PLPPR5: variants seen among roughly 807,000 people sequenced by gnomAD.
The protein encoded by PLPPR5 is phospholipid phosphatase-related protein type 5.
PLPPR5 carries 16 observed loss-of-function variants against 33.9 expected under a neutral mutation model. The ratio of observed to expected loss-of-function variants is 0.47; its 90% CI spans 0.32 to 0.72. The LOEUF is 0.72. Among genes scored for constraint, PLPPR5 ranks in the 30% least tolerant of loss-of-function variants. The pLI, the probability that PLPPR5 is intolerant of heterozygous loss-of-function variation, is 0.03. For synonymous variants in PLPPR5, 163 were observed against 150.3 expected (o/e 1.08, Z -0.62); for missense variants, 301 against 406.7 (o/e 0.74, Z 2.23).
intron 2 of PLPPR5, among the ~76,000 whole-genome samples, chr1:98,954,014 TC>T (rs1156383956): frequency 3.9e-5 from 6 of 152,168 alleles, no homozygotes; most frequent in Non-Finnish European, 7.4e-5. Flanking sequence ...AACAAGGCAA[TC>T]AAAATTATAG....
chr1:98,999,119 T>G (rs1652735407), intron 1 of PLPPR5, among the ~76,000 whole-genome samples: 1 of 152,220 alleles, frequency 6.6e-6, no homozygotes, highest in Admixed American at 6.5e-5. Flanking sequence ...ACTAGGTGGT[T>G]TCTATCCACA....
At chr1:98,902,902 C>CT (rs939172716) in intron 5 of PLPPR5, among the ~76,000 whole-genome samples, 3 of 152,012 alleles carry the variant, frequency 2.0e-5, no homozygotes, top group Non-Finnish European at 4.4e-5. Flanking sequence ...ATGAAAGATG[C>CT]TTTTATAAAA....
Position 99,004,746 on chromosome 1 carries a change from G to A in PLPPR5, c.-75C>T, listed in dbSNP as rs1411553286. 7.9e-6 allele frequency: 8 copies of A among 1,016,558 alleles called. No individual in the cohort carries two copies. Among genetic ancestry groups the A allele is most frequent in the Non-Finnish European group, 7.6e-6 (6 of 787,588 alleles). 63.0% of individuals were successfully genotyped at this position (1,016,558 alleles called of 1,614,324 possible). ...GTGGGCCCCCTCCCCGGTCCGCCGA[G>A]GCAGCCACCGGGGGCGCGGCGGCGG... On this transcript the variant is annotated 5_prime_UTR_variant, in exon 1 of 6. Coordinates refer to ENST00000263177, the MANE Select transcript of PLPPR5 (RefSeq NM_001037317.2).
intron 1 of PLPPR5, among the ~76,000 whole-genome samples, chr1:98,974,559 G>T (rs1651779173): frequency 1.3e-5 from 2 of 152,088 alleles, no homozygotes; most frequent in African/African-American, 4.8e-5. Context: ...TCTTAGCTCT[G>T]TCCCACCATC....
intron 4 of PLPPR5, among the ~76,000 whole-genome samples, chr1:98,918,360 A>G (rs2101156943): frequency 6.6e-6 from 1 of 152,360 alleles, no homozygotes; most frequent in East Asian, 1.9e-4. Context: ...AGTAAAGAGC[A>G]CAATAACTAT....
upstream of PLPPR5, among the ~76,000 whole-genome samples, chr1:99,005,381 C>A (rs758801795): frequency 6.6e-6 from 1 of 152,108 alleles, no homozygotes; most frequent in African/African-American, 2.4e-5. Flanking sequence ...TGACCCAGCC[C>A]GGGGCTGGAG....
At chr1:98,932,111 G>A (rs1649998302) in intron 3 of PLPPR5, among the ~76,000 whole-genome samples, 1 of 152,138 alleles carries the variant, frequency 6.6e-6, no homozygotes, top group Non-Finnish European at 1.5e-5. Context: ...GAAGTTTCTA[G>A]GCAGGAAATC....
chr1:99,000,254 A>G (rs1652782691), intron 1 of PLPPR5, among the ~76,000 whole-genome samples: 3 of 152,228 alleles, frequency 2.0e-5, no homozygotes, highest in Admixed American at 2.0e-4. Context: ...TGAAAATGCA[A>G]TTGAAGTAAT....
chr1:98,981,854 A>G (rs1052730173), intron 1 of PLPPR5, among the ~76,000 whole-genome samples: 7 of 152,080 alleles, frequency 4.6e-5, no homozygotes, highest in African/African-American at 1.7e-4. Context: ...AATGAACAGT[A>G]TCTATAAACA....
At chr1:98,908,327 T>A (rs552471280) in intron 5 of PLPPR5, among the ~76,000 whole-genome samples, 1 of 152,326 alleles carries the variant, frequency 6.6e-6, no homozygotes, top group East Asian at 1.9e-4. Context: ...AAAAAAAATT[T>A]ACTGTAGTTT....
In PLPPR5 at chr1:98,890,458, A is replaced by G. The variant is rs1648234028; in HGVS notation, c.*2614T>C. On this transcript the variant is annotated 3_prime_UTR_variant, in exon 6 of 6. Coordinates refer to ENST00000263177, the MANE Select transcript of PLPPR5 (RefSeq NM_001037317.2). ...AGATTCACCTCTCTTTTAACATAAAAGAGCCTTTTAAGTTATCACAGGAAT... is the reference window on the plus strand; with the variant it reads ...AGATTCACCTCTCTTTTAACATAAAGGAGCCTTTTAAGTTATCACAGGAAT... The G allele has an allele frequency of 6.6e-6, 1 of 152,530 alleles. No homozygotes were observed. Among genetic ancestry groups the G allele is most frequent in the Non-Finnish European group, 1.5e-5 (1 of 68,000 alleles). The allele number at this position is 152,530 out of a possible 1,614,324, so 9.4% of individuals were successfully genotyped here. A position where few individuals can be genotyped will look rare whatever the true frequency, so the allele number is the denominator to read the frequency against.
At chr1:98,897,534 C>A (rs1356250729) in intron 5 of PLPPR5, among the ~76,000 whole-genome samples, 2 of 152,138 alleles carry the variant, frequency 1.3e-5, no homozygotes, top group African/African-American at 4.8e-5. Flanking sequence ...TTCATTCTTT[C>A]AAGATGATTG....
At chr1:98,906,768 T>C (rs769012467) in intron 5 of PLPPR5, among the ~76,000 whole-genome samples, 4 of 152,192 alleles carry the variant, frequency 2.6e-5, no homozygotes, top group Non-Finnish European at 5.9e-5. Context: ...ATTTCAATAG[T>C]TGTTTTGTAT....
At chr1:98,915,035 G>T in intron 4 of PLPPR5, 115 bp from the exon 5 acceptor site, 1 of 877,220 alleles carries the variant, frequency 1.1e-6, no homozygotes, top group Non-Finnish European at 1.7e-6. Flanking sequence ...TTACTTAAAT[G>T]TTACACGTAT....
At chr1:98,922,141 A>G (rs1649580260) in intron 3 of PLPPR5, 83 bp from the exon 4 acceptor site, 3 of 1,280,800 alleles carry the variant, frequency 2.3e-6, no homozygotes, top group East Asian at 2.5e-5. Context: ...GTACAAACAT[A>G]TATTTATAGA....
intron 5 of PLPPR5, among the ~76,000 whole-genome samples, chr1:98,898,715 C>G (rs1313054622): frequency 6.6e-6 from 1 of 152,146 alleles, no homozygotes; most frequent in African/African-American, 2.4e-5. Flanking sequence ...TATCATGTGA[C>G]AGAACCAAAG....
Position 98,981,545 on chromosome 1 carries a change from T to C in PLPPR5, c.237+22890A>G, listed in dbSNP as rs145871535. On this transcript the variant is annotated intron_variant, in intron 1 of 5. Transcript: ENST00000263177. The stretch of plus-strand genomic sequence containing the variant: ...TCACTCCACTCCACCTCATTCCACT[T>C]CCAGTTATGCATACCTCCATCAGGA... Among the ~76,000 whole-genome samples the C allele has an allele frequency of 8.3e-4, 127 of 152,136 alleles. 1 individual carries two copies. Among genetic ancestry groups the C allele is most frequent in the African/African-American group, 2.9e-3 (121 of 41,532 alleles).
At chr1:98,961,582 G>A (rs1570736545) in intron 1 of PLPPR5, among the ~76,000 whole-genome samples, 1 of 152,164 alleles carries the variant, frequency 6.6e-6, no homozygotes, top group East Asian at 1.9e-4. Flanking sequence ...GTAATTGTAT[G>A]CAGTTTATAT....
chr1:98,903,832 T>C (rs1348948659), intron 5 of PLPPR5, among the ~76,000 whole-genome samples: 1 of 152,156 alleles, frequency 6.6e-6, no homozygotes, highest in Non-Finnish European at 1.5e-5. Context: ...ATTATGCAGC[T>C]GAACCAGGCT....
Sources: gnomAD v4.1 joint callset for allele counts (sites outside exome capture counted in the v4.1 genomes callset) on GRCh38, gnomAD v4.1.1 for gene constraint, MANE v1.5 for transcripts, NCBI Gene and HGNC (gene_info 2026-07-23, HGNC 2026-07-21) for gene names.